The following CSNK1G1 variants were observed in gnomAD, a reference collection of about 807,000 sequenced individuals.
CSNK1G1 encodes the protein casein kinase 1 gamma 1, also known as casein kinase I isoform gamma-1.
Under a neutral mutation model 59.6 loss-of-function variants are expected in CSNK1G1, and 22 were observed. The observed-to-expected ratio is 0.37, with a 90% CI of 0.26 to 0.53. CSNK1G1 has a LOEUF of 0.53. Ranked by LOEUF, CSNK1G1 falls within the 20% of genes least tolerant of loss-of-function variation. The pLI is 0.89. For missense variants in CSNK1G1, 384 were observed against 519.5 expected, an observed-to-expected ratio of 0.74 and a Z score of 2.54; for synonymous variants, 179 against 177.1, an observed-to-expected ratio of 1.01 and a Z score of -0.08.
At chr15:64,351,341 T>TCC (rs964573762) in intron 1 of CSNK1G1, among the ~76,000 whole-genome samples, 22 of 152,294 alleles carry the variant, frequency 1.4e-4, no homozygotes, top group Middle Eastern at 3.4e-3. Flanking sequence ...ATATAAACCT[T>TCC]CCCAATCTTT....
At chr15:64,239,392 T>C (rs1213331728) in intron 4 of CSNK1G1, among the ~76,000 whole-genome samples, 1 of 152,188 alleles carries the variant, frequency 6.6e-6, no homozygotes, top group African/African-American at 2.4e-5. Flanking sequence ...TGTTTTTGTT[T>C]TGAGACAGGA....
intron 2 of CSNK1G1, among the ~76,000 whole-genome samples, chr15:64,290,149 T>C (rs750770432): frequency 1.3e-5 from 2 of 152,168 alleles, no homozygotes; most frequent in Non-Finnish European, 2.9e-5. Context: ...AAAAACAGTA[T>C]GGAAGTTTCC....
intron 10 of CSNK1G1, among the ~76,000 whole-genome samples, chr15:64,194,783 G>A (rs994673851): frequency 5.3e-5 from 8 of 151,912 alleles, no homozygotes; most frequent in Non-Finnish European, 1.2e-4. Flanking sequence ...CCAAAGTGCA[G>A]GTGTGAGCCA....
At chr15:64,275,557 A>C (rs1310436961) in intron 2 of CSNK1G1, among the ~76,000 whole-genome samples, 1 of 152,220 alleles carries the variant, frequency 6.6e-6, no homozygotes, top group Admixed American at 6.5e-5. Flanking sequence ...ATCAACAACA[A>C]TAAGTACATT....
intron 2 of CSNK1G1, among the ~76,000 whole-genome samples, chr15:64,271,133 A>T (rs982344890): frequency 3.9e-5 from 6 of 151,934 alleles, no homozygotes; most frequent in African/African-American, 1.5e-4. Flanking sequence ...GACTACAGGC[A>T]TGTACCACCA....
intron 4 of CSNK1G1, among the ~76,000 whole-genome samples, chr15:64,242,710 A>G (rs549295013): frequency 6.6e-6 from 1 of 152,348 alleles, no homozygotes; most frequent in African/African-American, 2.4e-5. Context: ...TGAAGAGGAG[A>G]AAATTCTTCC....
Position 64,216,551 on chromosome 15 carries a change from TTCC to T in CSNK1G1, c.444+8_444+10del, listed in dbSNP as rs758622936. On this transcript the variant is annotated splice_region_variant and intron_variant, in intron 5 of 11. Transcript: ENST00000303052. This position sits in a 1 kb window ranked among gnomAD's most constrained non-coding sequence, Gnocchi z 4.6. ...AGCTTATTCTCTTCTAGAAGAGCAATTCCAACTTACCAGCTGGATGGCTATCAT... is the reference window on the plus strand; with the variant it reads ...AGCTTATTCTCTTCTAGAAGAGCAATAACTTACCAGCTGGATGGCTATCAT... 7 of 1,613,522 alleles carry T rather than the reference TTCC, an allele frequency of 4.3e-6. No homozygotes were observed. Among genetic ancestry groups the T allele is most frequent in the Non-Finnish European group, 5.9e-6 (7 of 1,179,592 alleles).
intron 2 of CSNK1G1, among the ~76,000 whole-genome samples, chr15:64,282,084 G>C (rs1286886469): frequency 2.0e-5 from 3 of 151,744 alleles, no homozygotes; most frequent in Non-Finnish European, 2.9e-5. Context: ...ATCAAGCCTG[G>C]CTAATTTTTT....
intron 2 of CSNK1G1, among the ~76,000 whole-genome samples, chr15:64,268,873 T>C (rs1284744523): frequency 6.6e-6 from 1 of 152,122 alleles, no homozygotes; most frequent in Non-Finnish European, 1.5e-5. Context: ...TATTGTAAAA[T>C]TAAAATTCTA....
In CSNK1G1 at chr15:64,214,279, CA is replaced by C. The variant is rs1223392913; in HGVS notation, c.445-156del. 3.2e-6 allele frequency: 2 copies of C among 620,238 alleles called. No individual in the cohort carries two copies. Among genetic ancestry groups the C allele is most frequent in the African/African-American group, 1.9e-5 (1 of 54,016 alleles). 38.4% of individuals were successfully genotyped at this position (620,238 alleles called of 1,614,324 possible). The stretch of plus-strand genomic sequence containing the variant: ...CTGAGTCACTTCACTGACTTGTAAA[CA>C]AAAAAATATTTTGCTATAAATACGT... On this transcript the variant is annotated intron_variant, in intron 5 of 11. Transcript: ENST00000303052. The surrounding 1 kb of genome is among the most constrained non-coding windows in gnomAD (Gnocchi z 4.3).
chr15:64,201,734 G>C (rs1378277633), intron 10 of CSNK1G1, among the ~76,000 whole-genome samples: 1 of 150,840 alleles, frequency 6.6e-6, no homozygotes, highest in Non-Finnish European at 1.5e-5. Context: ...GTGTGTGTGT[G>C]TGTGTGTGTG....
intron 2 of CSNK1G1, among the ~76,000 whole-genome samples, chr15:64,266,271 A>G (rs1461451748): frequency 6.6e-6 from 1 of 152,164 alleles, no homozygotes; most frequent in African/African-American, 2.4e-5. Context: ...CATATTGGCC[A>G]GGATGATCTA....
intron 2 of CSNK1G1, among the ~76,000 whole-genome samples, chr15:64,263,822 C>CAAAAAAAAAAAAAAAAAAAAAAAAAAAA (rs869123397): frequency 1.9e-5 from 1 of 53,800 alleles, no homozygotes; most frequent in African/African-American, 7.5e-5. Context: ...TTTTGTTTAC[C>CAAAAAAAAAAAAAAAAAAAAAAAAAAAA]AAAAAAAAAA....
chr15:64,298,813 T>C (rs543533101), intron 2 of CSNK1G1, among the ~76,000 whole-genome samples: 2 of 150,354 alleles, frequency 1.3e-5, no homozygotes, highest in South Asian at 2.1e-4. Flanking sequence ...GGTGGATCAC[T>C]TGAGGCCAGG....
In CSNK1G1 at chr15:64,254,821, T is replaced by G. The variant is rs568007037; in HGVS notation, c.223-3240A>C. On this transcript the variant is annotated intron_variant, in intron 3 of 11. Transcript: ENST00000303052. ...TGAAGTCCAACTTAGCTAGTTTTTT[T>G]CTTTTGTTGTCTGTGATTTTGGTGT... Among the ~76,000 whole-genome samples, 17 of 152,354 alleles carry G rather than the reference T, an allele frequency of 1.1e-4. No individual in the cohort carries two copies. In the South Asian group the frequency reaches 3.1e-3, roughly 28 times the overall value.
At position 64,221,045 on chromosome 15, in the gene CSNK1G1, AT is replaced by A. The variant is rs1336006010; in HGVS notation, c.293-4333del. Among the ~76,000 whole-genome samples the A allele has an allele frequency of 2.0e-5, 3 of 152,052 alleles. No individual in the cohort carries two copies. In the South Asian group the frequency reaches 6.2e-4, roughly 32 times the overall value. On this transcript the variant is annotated intron_variant, in intron 4 of 11. Transcript: ENST00000303052. ...AATGTTGGACTTTTCTTCTCTCTGG[AT>A]TTTTTTTATCAAAAAGAAAAATCAA... is the stretch of plus-strand genomic sequence containing the variant.
chr15:64,230,993 T>TAATAA (rs1348753483), intron 4 of CSNK1G1, among the ~76,000 whole-genome samples: 4 of 151,126 alleles, frequency 2.6e-5, no homozygotes, highest in South Asian at 2.1e-4. Context: ...AATAAATAAA[T>TAATAA]AATAAAATAA....
chr15:64,258,248 T>A (rs1360514040), intron 3 of CSNK1G1, among the ~76,000 whole-genome samples: 2 of 151,946 alleles, frequency 1.3e-5, no homozygotes, highest in East Asian at 3.9e-4. Flanking sequence ...TGTGGTGGCA[T>A]GTAGTCTGTA....
At chr15:64,284,908 A>T (rs1183542880) in intron 2 of CSNK1G1, among the ~76,000 whole-genome samples, 2 of 152,118 alleles carry the variant, frequency 1.3e-5, no homozygotes, top group Admixed American at 1.3e-4. Context: ...TATTACTGTT[A>T]ACTTATACTG....
Sources: allele counts gnomAD v4.1 joint callset (sites outside exome capture counted in the v4.1 genomes callset), GRCh38; gene constraint gnomAD v4.1.1; non-coding constraint Gnocchi (gnomAD v3.1); transcripts MANE v1.5; gene names NCBI Gene and HGNC (gene_info 2026-07-23, HGNC 2026-07-21).